The following SPAG1 variants were observed in gnomAD, a reference collection of about 807,000 sequenced individuals.
The protein encoded by SPAG1 is sperm associated antigen 1, also known as sperm-associated antigen 1.
In SPAG1, 69 loss-of-function variants were observed where a neutral mutation model predicts 100.5. The observed-to-expected ratio is 0.69, with a 90% CI of 0.57 to 0.84. SPAG1 has a LOEUF of 0.84. Ranked by LOEUF, SPAG1 falls within the 40% of genes least tolerant of loss-of-function variation. The pLI is 0.00. For missense variants in SPAG1, 955 were observed against 1,133.1 expected, an observed-to-expected ratio of 0.84 and a Z score of 2.26; for synonymous variants, 336 against 411.6, an observed-to-expected ratio of 0.82 and a Z score of 2.22.
chr8:100,203,974 T>C (rs1307400143), intron 10 of SPAG1, among the ~76,000 whole-genome samples: 1 of 152,154 alleles, frequency 6.6e-6, no homozygotes, highest in Non-Finnish European at 1.5e-5. Flanking sequence ...GGAATGGGGA[T>C]GTGTAGGAGG....
chr8:100,231,855 C>T (rs1036976031), intron 15 of SPAG1, among the ~76,000 whole-genome samples: 4 of 151,554 alleles, frequency 2.6e-5, no homozygotes, highest in Non-Finnish European at 5.9e-5. Flanking sequence ...CCAGCTACTC[C>T]GGAGGCTGAG....
chr8:100,208,506 A>AG (rs1443370239), intron 10 of SPAG1, among the ~76,000 whole-genome samples: 1 of 152,228 alleles, frequency 6.6e-6, no homozygotes, highest in Admixed American at 6.5e-5. Flanking sequence ...CGACCTGCCG[A>AG]GGTGCTTGCT....
intron 3 of SPAG1, among the ~76,000 whole-genome samples, chr8:100,169,045 A>C (rs1815703865): frequency 6.6e-6 from 1 of 151,786 alleles, no homozygotes; most frequent in Non-Finnish European, 1.5e-5. Flanking sequence ...CTTTTGATGA[A>C]ATCTTTTTTT....
At position 100,187,407 on chromosome 8, in the gene SPAG1, T is replaced by C. The variant is rs561390901; in HGVS notation, c.832+157T>C. On this transcript the variant is annotated intron_variant, in intron 8 of 18. Coordinates refer to ENST00000388798, the MANE Select transcript of SPAG1 (RefSeq NM_003114.5). ...TCATAAAGTTGCTTTTAAATTGAAC[T>C]TGTAAGTTAAGCTCCTGATTATTTG... 2.0e-5 allele frequency among the ~76,000 whole-genome samples: 3 copies of C among 152,318 alleles called. No individual in the cohort carries two copies. The East Asian group carries it at 5.8e-4, about 29-fold the overall frequency.
intron 14 of SPAG1, among the ~76,000 whole-genome samples, chr8:100,230,654 G>A (rs781482973): frequency 2.6e-5 from 4 of 152,078 alleles, no homozygotes; most frequent in East Asian, 1.9e-4. Flanking sequence ...ATGGGGTTTC[G>A]CTCTTGTTGC....
In SPAG1 at chr8:100,168,687, C is replaced by CTTTTTTTTT. The variant is rs747506730; in HGVS notation, c.300+2717_300+2725dup. On this transcript the variant is annotated intron_variant, in intron 3 of 18. Transcript: ENST00000388798. ...AGCATGAGCCACCATGCCCAGCCAT[C>CTTTTTTTTT]TTTTTTTTTTTGTTGTTGAGACAGA... Among the ~76,000 whole-genome samples the CTTTTTTTTT allele has an allele frequency of 1.3e-3, 121 of 95,566 alleles. 3 individuals are homozygous for CTTTTTTTTT. The highest frequency in any genetic ancestry group is 3.0e-3 in the South Asian group (8 of 2,652). The allele number at this position is 95,566 out of a possible 152,430, so 62.7% of individuals were successfully genotyped here.
intron 10 of SPAG1, among the ~76,000 whole-genome samples, chr8:100,206,629 T>C (rs1400618192): frequency 6.6e-6 from 1 of 152,160 alleles, no homozygotes; most frequent in Non-Finnish European, 1.5e-5. Context: ...CCTGTCGAGA[T>C]ATTCCTTCTA....
chr8:100,202,042 A>G (rs1817298765), intron 10 of SPAG1, among the ~76,000 whole-genome samples: 1 of 152,144 alleles, frequency 6.6e-6, no homozygotes, highest in South Asian at 2.1e-4. Context: ...CTGGAGTAGG[A>G]GACAGCCTTG....
chr8:100,221,069 A>T (rs3020183), intron 13 of SPAG1, among the ~76,000 whole-genome samples: 102,107 of 150,736 alleles, frequency 0.68, 35,285 homozygotes, highest in African/African-American at 0.83. Flanking sequence ...CAAGATTCCA[A>T]CTCCAAAAAA....
intron 10 of SPAG1, among the ~76,000 whole-genome samples, chr8:100,205,880 A>G (rs1466131587): frequency 6.6e-6 from 1 of 151,724 alleles, no homozygotes; most frequent in African/African-American, 2.4e-5. Context: ...TTAGCTGGAC[A>G]TGGTGGTGCA....
chr8:100,212,993 C>T, intron 10 of SPAG1, 97 bp from the exon 11 acceptor site: 2 of 1,005,418 alleles, frequency 2.0e-6, no homozygotes, highest in South Asian at 2.1e-5. Flanking sequence ...CCCTAGAGCC[C>T]GCCCTCCGCG....
chr8:100,182,539 G>A (rs1816410708), intron 4 of SPAG1, among the ~76,000 whole-genome samples: 1 of 152,222 alleles, frequency 6.6e-6, no homozygotes, highest in Non-Finnish European at 1.5e-5. Flanking sequence ...GAACCTGGGA[G>A]GGGCAGGGAG....
intron 8 of SPAG1, among the ~76,000 whole-genome samples, chr8:100,188,648 CAAG>C (rs776776449): frequency 3.2e-4 from 48 of 152,266 alleles, no homozygotes; most frequent in Middle Eastern, 3.4e-3. Context: ...TTTCTGTTAT[CAAG>C]AAGGAGTCAT....
chr8:100,231,164 A>G lies in SPAG1; in HGVS notation c.1864A>G (p.Thr622Ala). ...GTTTTTTTGTCCCATAGATGAAAAA[A>G]CATTTAAAGCCCTTAAGGAAGAAGG... is the stretch of plus-strand genomic sequence containing the variant. ...HRQQGITDEKTFKALKEEGNQ... is the reference protein window; with the variant it reads ...HRQQGITDEKAFKALKEEGNQ... Residue 622 changes from threonine to alanine, a missense_variant, in exon 15 of 19, where the codon ACA (threonine) becomes GCA (alanine). Coordinates refer to ENST00000388798, the MANE Select transcript of SPAG1 (RefSeq NM_003114.5). The G allele has an allele frequency of 6.2e-7, 1 of 1,600,336 alleles. No homozygotes were observed. Among genetic ancestry groups the G allele is most frequent in the South Asian group, 1.1e-5 (1 of 88,790 alleles).
chr8:100,215,620 G>A lies in SPAG1; in HGVS notation c.1535+1702G>A, dbSNP rs147761358. Among the ~76,000 whole-genome samples the A allele has an allele frequency of 4.0e-3, 610 of 152,334 alleles. 5 individuals are homozygous for A. The highest frequency in any genetic ancestry group is 0.014 in the African/African-American group (578 of 41,578). On this transcript the variant is annotated intron_variant, in intron 12 of 18. Transcript: ENST00000388798. Reference sequence around the variant, plus strand: ...GCTCACTGCAAGCTCCGCCTCCTGGGTTCACCCCATTCTCCTGCCTCAGCC... The same window carrying A: ...GCTCACTGCAAGCTCCGCCTCCTGGATTCACCCCATTCTCCTGCCTCAGCC...
At chr8:100,162,514 G>C (rs1221164002) in intron 2 of SPAG1, 94 bp downstream of exon 2, 3 of 1,095,600 alleles carry the variant, frequency 2.7e-6, no homozygotes, top group Non-Finnish European at 3.8e-6. Context: ...AGAAATATCT[G>C]TTTTTGCCCA....
intron 1 of SPAG1, among the ~76,000 whole-genome samples, chr8:100,161,273 G>T (rs1482876814): frequency 6.6e-6 from 1 of 152,044 alleles, no homozygotes; most frequent in East Asian, 1.9e-4. Context: ...AGTCCAGAAG[G>T]TCAGGCTGCA....
chr8:100,208,599 G>A (rs559290531), intron 10 of SPAG1, among the ~76,000 whole-genome samples: 8 of 152,174 alleles, frequency 5.3e-5, no homozygotes, highest in Non-Finnish European at 8.8e-5. Context: ...CTGCAGAAAC[G>A]GGGACTGTAA....
intron 16 of SPAG1, among the ~76,000 whole-genome samples, 170 bp downstream of exon 16, chr8:100,233,707 CT>C (rs773964843): frequency 3.9e-5 from 6 of 152,202 alleles, no homozygotes; most frequent in African/African-American, 7.2e-5. Flanking sequence ...GATTTCACCC[CT>C]AACCATAATG....
Sources: gnomAD v4.1 joint callset for allele counts (sites outside exome capture counted in the v4.1 genomes callset) on GRCh38, gnomAD v4.1.1 for gene constraint, MANE v1.5 for transcripts, NCBI Gene and HGNC (gene_info 2026-07-23, HGNC 2026-07-21) for gene names.